Variants in NTN4 observed in about 807,000 individuals in gnomAD.
The protein encoded by NTN4 is netrin 4.
In NTN4, 32 loss-of-function variants were observed where a neutral mutation model predicts 73.6. That is an observed-to-expected ratio of 0.44 (90% CI 0.33 to 0.58). NTN4 has a LOEUF of 0.58. Ranked by LOEUF, NTN4 falls within the 20% of genes least tolerant of loss-of-function variation. The probability of loss-of-function intolerance (pLI) is 0.04; values close to 1 mark genes in which losing one functional copy is unlikely to be tolerated. For synonymous variants in NTN4, 258 were observed against 287.5 expected (o/e 0.90, Z 1.04); for missense variants, 654 against 798.3 (o/e 0.82, Z 2.18).
intron 4 of NTN4, 70 bp from the exon 5 acceptor site, chr12:95,710,699 A>T: frequency 7.0e-7 from 1 of 1,422,512 alleles, no homozygotes; most frequent in Non-Finnish European, 9.6e-7. Flanking sequence ...TCATATTCAG[A>T]TAGGTAAAAA....
intron 8 of NTN4, among the ~76,000 whole-genome samples, chr12:95,669,069 G>C (rs115139316): frequency 6.6e-6 from 1 of 152,132 alleles, no homozygotes; most frequent in Non-Finnish European, 1.5e-5. Context: ...GGTTGTGGGC[G>C]TGGTGGCATA....
At chr12:95,754,458 T>A (rs557425770) in intron 2 of NTN4, among the ~76,000 whole-genome samples, 7 of 152,298 alleles carry the variant, frequency 4.6e-5, no homozygotes, top group African/African-American at 1.7e-4. Context: ...AAGGCAGGAA[T>A]GTCAGGCCTC....
chr12:95,663,306 A>G (rs979201172), intron 9 of NTN4: 3 of 152,188 alleles, frequency 2.0e-5, no homozygotes, highest in Non-Finnish European at 4.4e-5. Flanking sequence ...CCAAAAACAA[A>G]TATGCAAAAC....
intron 5 of NTN4, among the ~76,000 whole-genome samples, chr12:95,700,612 T>A (rs576722708): frequency 6.6e-6 from 1 of 152,160 alleles, no homozygotes; most frequent in African/African-American, 2.4e-5. Flanking sequence ...GACTTCCTGA[T>A]GAAAAATGAC....
chr12:95,750,147 C>A (rs1431075364), intron 2 of NTN4, among the ~76,000 whole-genome samples: 2 of 151,778 alleles, frequency 1.3e-5, no homozygotes, highest in African/African-American at 4.8e-5. Context: ...CGCCCCAATC[C>A]CTTATTTCTG....
intron 5 of NTN4, among the ~76,000 whole-genome samples, chr12:95,688,154 A>G (rs1333665049): frequency 6.6e-6 from 1 of 152,192 alleles, no homozygotes; most frequent in African/African-American, 2.4e-5. Flanking sequence ...GAGGCATTGT[A>G]TAGACTAGAG....
At chr12:95,765,858 G>C (rs1046151210) in intron 2 of NTN4, among the ~76,000 whole-genome samples, 1 of 152,146 alleles carries the variant, frequency 6.6e-6, no homozygotes, top group African/African-American at 2.4e-5. Context: ...CTAAAATACA[G>C]AGATAGCCTT....
At chr12:95,754,544 C>A (rs2078934208) in intron 2 of NTN4, among the ~76,000 whole-genome samples, 1 of 152,138 alleles carries the variant, frequency 6.6e-6, no homozygotes, top group Admixed American at 6.5e-5. Flanking sequence ...ACTGAAGAAT[C>A]ACAAAAGAAG....
intron 5 of NTN4, among the ~76,000 whole-genome samples, chr12:95,709,531 TCTCTCTCTC>T (rs1347700726): frequency 1.4e-5 from 2 of 141,830 alleles, no homozygotes; most frequent in Non-Finnish European, 3.1e-5. Flanking sequence ...TCTCTCTCTC[TCTCTCTCTC>T]TTTTTTTTTT....
At chr12:95,696,223 C>A (rs547441110) in intron 5 of NTN4, among the ~76,000 whole-genome samples, 6 of 151,176 alleles carry the variant, frequency 4.0e-5, no homozygotes, top group Non-Finnish European at 8.8e-5. Context: ...CTTTTTTTTT[C>A]ATAACACTTA....
In NTN4 at chr12:95,771,606, CA is replaced by C. The variant is rs562804131; in HGVS notation, c.585+15332del. On this transcript the variant is annotated intron_variant, in intron 2 of 9. Coordinates refer to ENST00000343702, the MANE Select transcript of NTN4 (RefSeq NM_021229.4). Reference sequence around the variant, plus strand: ...CAATGCTATATTTTAACTTTGTTTACAATACTGTGATAGTCCAGGGGCATTC... The same window carrying C: ...CAATGCTATATTTTAACTTTGTTTACATACTGTGATAGTCCAGGGGCATTC... Among the ~76,000 whole-genome samples, 29 of 152,124 alleles carry C rather than the reference CA, an allele frequency of 1.9e-4. No homozygotes were observed. The South Asian group carries it at 5.0e-3, about 26-fold the overall frequency.
intron 2 of NTN4, among the ~76,000 whole-genome samples, chr12:95,744,974 G>A (rs184522410): frequency 7.2e-4 from 109 of 151,444 alleles, no homozygotes; most frequent in Middle Eastern, 3.4e-3. Flanking sequence ...TTCTGCCTCC[G>A]CTGTCTTCAG....
intron 8 of NTN4, among the ~76,000 whole-genome samples, chr12:95,666,487 C>T (rs1423548471): frequency 6.6e-6 from 1 of 152,058 alleles, no homozygotes; most frequent in Non-Finnish European, 1.5e-5. Context: ...GGCTTTATCT[C>T]GTTTATCTAT....
chr12:95,673,143 C>A (rs1424791777), intron 7 of NTN4: 1 of 745,568 alleles, frequency 1.3e-6, no homozygotes, highest in African/African-American at 1.7e-5. Context: ...CCCTCCTGCA[C>A]ACGCCACACT....
At chr12:95,694,915 G>A (rs1412407757) in intron 5 of NTN4, among the ~76,000 whole-genome samples, 1 of 152,090 alleles carries the variant, frequency 6.6e-6, no homozygotes, top group Non-Finnish European at 1.5e-5. Flanking sequence ...ATCACTTGAG[G>A]CCAGGAGTTC....
chr12:95,757,587 G>A (rs7972134), intron 2 of NTN4, among the ~76,000 whole-genome samples: 83,577 of 151,718 alleles, frequency 0.55, 23,259 homozygotes, highest in East Asian at 0.68. Flanking sequence ...CCACGTGTGA[G>A]AGGCAAAGAA....
chr12:95,718,395 C>CA (rs1487451132), intron 3 of NTN4, among the ~76,000 whole-genome samples: 1 of 152,154 alleles, frequency 6.6e-6, no homozygotes, highest in Non-Finnish European at 1.5e-5. Context: ...TTGACAGCAT[C>CA]AAGCATATGG....
chr12:95,753,761 A>G (rs2078927289), intron 2 of NTN4, among the ~76,000 whole-genome samples: 1 of 152,010 alleles, frequency 6.6e-6, no homozygotes, highest in Non-Finnish European at 1.5e-5. Flanking sequence ...TTCGCTTCTC[A>G]GAATTCAGGC....
Position 95,658,942 on chromosome 12 carries a change from T to G in NTN4, c.*144A>C. 3.0e-6 allele frequency: 2 copies of G among 676,498 alleles called. No homozygotes were observed. The highest frequency in any genetic ancestry group is 4.9e-6 in the Non-Finnish European group (2 of 405,822). 41.9% of individuals were successfully genotyped at this position (676,498 alleles called of 1,614,324 possible). A position where few individuals can be genotyped will look rare whatever the true frequency, so the allele number is the denominator to read the frequency against. On this transcript the variant is annotated 3_prime_UTR_variant, in exon 10 of 10. Transcript: ENST00000343702. The stretch of plus-strand genomic sequence containing the variant: ...TATTTAAACATGGGTCCAGAAGAGA[T>G]AAGTTAGATAAGACCCATGCATTCA...
Sources: gnomAD v4.1 joint callset for allele counts (sites outside exome capture counted in the v4.1 genomes callset) on GRCh38, gnomAD v4.1.1 for gene constraint, MANE v1.5 for transcripts, NCBI Gene and HGNC (gene_info 2026-07-23, HGNC 2026-07-21) for gene names.